DLGAP2: variants seen among roughly 807,000 people sequenced by gnomAD.
DLGAP2 encodes the protein disks large-associated protein 2.
DLGAP2 carries 26 observed loss-of-function variants against 100.3 expected under a neutral mutation model. The ratio of observed to expected loss-of-function variants is 0.26; its 90% CI spans 0.19 to 0.36. The LOEUF (loss-of-function observed/expected upper bound fraction) is 0.36, where lower values mean the gene tolerates loss of function less well. DLGAP2 is among the 10% of genes least tolerant of loss of function. The pLI, the probability that DLGAP2 is intolerant of heterozygous loss-of-function variation, is 1.00. For synonymous variants in DLGAP2, 886 were observed against 630.1 expected (o/e 1.41, Z -6.08); for missense variants, 1,858 against 1,453.2 (o/e 1.28, Z -4.53).
intron 2 of DLGAP2, among the ~76,000 whole-genome samples, chr8:943,622 A>AGTAAATTT (rs1428654162): frequency 6.8e-6 from 1 of 146,934 alleles, no homozygotes; most frequent in East Asian, 2.1e-4. Flanking sequence ...AGGAGCTGGC[A>AGTAAATTT]TGTGGACGTC....
intron 6 of DLGAP2, among the ~76,000 whole-genome samples, chr8:1,594,480 C>A (rs574054627): frequency 3.6e-4 from 55 of 152,118 alleles, no homozygotes; most frequent in African/African-American, 1.3e-3. Flanking sequence ...AACAACAGAC[C>A]AGATCAAACA....
intron 2 of DLGAP2, among the ~76,000 whole-genome samples, chr8:1,157,879 G>A (rs1268354822): frequency 1.3e-5 from 2 of 152,186 alleles, no homozygotes; most frequent in African/African-American, 2.4e-5. Context: ...GATGCTGCCG[G>A]TGTTCCGTCT....
intron 2 of DLGAP2, among the ~76,000 whole-genome samples, chr8:1,233,631 G>C (rs1014752515): frequency 6.6e-6 from 1 of 150,562 alleles, no homozygotes; most frequent in Non-Finnish European, 1.5e-5. Flanking sequence ...GGGTCCAATG[G>C]GCAAGACTTG....
chr8:1,448,651 G>A (rs896713859), intron 3 of DLGAP2, among the ~76,000 whole-genome samples: 2 of 152,088 alleles, frequency 1.3e-5, no homozygotes, highest in African/African-American at 2.4e-5. Flanking sequence ...AAAATAATAC[G>A]GCTAAATAAA....
chr8:1,535,955 G>A (rs1195086512), intron 4 of DLGAP2, among the ~76,000 whole-genome samples: 1 of 152,214 alleles, frequency 6.6e-6, no homozygotes, highest in African/African-American at 2.4e-5. Flanking sequence ...CCCTTGCGTG[G>A]CAGACACGTT....
At chr8:1,345,136 G>T (rs972974077) in intron 3 of DLGAP2, among the ~76,000 whole-genome samples, 1 of 116,470 alleles carries the variant, frequency 8.6e-6, no homozygotes, top group African/African-American at 2.9e-5. Flanking sequence ...ATTCGGTTTT[G>T]GTACAGTGTT....
At chr8:1,349,662 G>GTC (rs1563098571) in intron 3 of DLGAP2, among the ~76,000 whole-genome samples, 3 of 44,730 alleles carry the variant, frequency 6.7e-5, no homozygotes, top group African/African-American at 1.2e-4. Flanking sequence ...AGGAAGGGGT[G>GTC]TTTGAGGGAG....
chr8:1,698,636 A>AGATAGGTCCAAGTAAGCCATGCGTGG, intron 14 of DLGAP2, among the ~76,000 whole-genome samples: 1 of 150,048 alleles, frequency 6.7e-6, no homozygotes, highest in South Asian at 2.1e-4. Context: ...GCATGGGACT[A>AGATAGGTCCAAGTAAGCCATGCGTGG]GACAGGTCCA....
At chr8:1,383,202 A>G (rs930301450) in intron 3 of DLGAP2, among the ~76,000 whole-genome samples, 9 of 152,196 alleles carry the variant, frequency 5.9e-5, no homozygotes, top group Non-Finnish European at 1.5e-5. Flanking sequence ...TAACGAGAAA[A>G]ATAAGGGATT....
At chr8:1,118,951 T>G (rs1320810333) in intron 2 of DLGAP2, among the ~76,000 whole-genome samples, 2 of 152,234 alleles carry the variant, frequency 1.3e-5, no homozygotes, top group African/African-American at 4.8e-5. Context: ...ATAGAATAAT[T>G]TATCGTTTGA....
intron 1 of DLGAP2, among the ~76,000 whole-genome samples, chr8:760,549 A>C (rs1157656150): frequency 1.3e-5 from 2 of 152,198 alleles, no homozygotes; most frequent in Non-Finnish European, 2.9e-5. Flanking sequence ...AATTTTGCCT[A>C]AGAATTTTGA....
At chr8:1,123,256 G>T (rs562777255) in intron 2 of DLGAP2, among the ~76,000 whole-genome samples, 13 of 152,278 alleles carry the variant, frequency 8.5e-5, no homozygotes, top group African/African-American at 3.1e-4. Flanking sequence ...GTAAAGCAAA[G>T]AATAATGAAA....
At chr8:1,342,675 C>G (rs1801444883) in intron 3 of DLGAP2, among the ~76,000 whole-genome samples, 1 of 152,138 alleles carries the variant, frequency 6.6e-6, no homozygotes, top group Non-Finnish European at 1.5e-5. Flanking sequence ...ATTTCTCATC[C>G]CTAACTTTAT....
chr8:1,279,195 A>T (rs1007018687), intron 3 of DLGAP2, among the ~76,000 whole-genome samples: 6 of 152,188 alleles, frequency 3.9e-5, no homozygotes, highest in Admixed American at 2.6e-4. Context: ...GGAAGTTCTT[A>T]ACCTCAAAAG....
chr8:1,540,733 G>C (rs981188884), intron 4 of DLGAP2, among the ~76,000 whole-genome samples: 5 of 152,222 alleles, frequency 3.3e-5, no homozygotes, highest in Non-Finnish European at 7.3e-5. Flanking sequence ...GCCGTGACCA[G>C]CAGTGCTTCC....
intron 3 of DLGAP2, chr8:1,369,787 G>A (rs1450298399): frequency 1.3e-5 from 2 of 152,284 alleles, no homozygotes; most frequent in East Asian, 1.9e-4. Context: ...GCACACAGCA[G>A]TGATGTAGGA....
intron 3 of DLGAP2, among the ~76,000 whole-genome samples, chr8:1,296,614 T>A (rs1800182273): frequency 1.3e-5 from 2 of 152,230 alleles, no homozygotes; most frequent in Admixed American, 1.3e-4. Context: ...AAAAGCTGTT[T>A]TCATGATCTG....
At chr8:1,473,118 A>G (rs1163942384) in intron 3 of DLGAP2, among the ~76,000 whole-genome samples, 5 of 152,192 alleles carry the variant, frequency 3.3e-5, no homozygotes, top group Admixed American at 3.3e-4. Flanking sequence ...TTTAGTAGAG[A>G]CAGCATTTCA....
At chr8:1,625,537 T>C (rs765825983) in intron 6 of DLGAP2, among the ~76,000 whole-genome samples, 10 of 152,250 alleles carry the variant, frequency 6.6e-5, no homozygotes, top group African/African-American at 9.6e-5. Context: ...CCTATTATAT[T>C]TGCTGATATT....
Sources: allele counts gnomAD v4.1 joint callset (sites outside exome capture counted in the v4.1 genomes callset), GRCh38; gene constraint gnomAD v4.1.1; transcripts MANE v1.5; gene names NCBI Gene and HGNC (gene_info 2026-07-23, HGNC 2026-07-21).